SLC26A3: variants seen among roughly 807,000 people sequenced by gnomAD.
The protein encoded by SLC26A3 is solute carrier family 26 member 3.
SLC26A3 carries 64 observed loss-of-function variants against 85.6 expected under a neutral mutation model. The observed-to-expected ratio is 0.75, with a 90% CI of 0.61 to 0.92. The LOEUF is 0.92. Among genes scored for constraint, SLC26A3 ranks in the 40% least tolerant of loss-of-function variants. The probability of loss-of-function intolerance (pLI) is 0.00; values close to 1 mark genes in which losing one functional copy is unlikely to be tolerated. For missense variants in SLC26A3, 922 were observed against 927.3 expected (o/e 0.99, Z 0.07); for synonymous variants, 349 against 336.0 (o/e 1.04, Z -0.42).
intron 7 of SLC26A3, among the ~76,000 whole-genome samples, chr7:107,787,151 C>T (rs1170257092): frequency 6.6e-6 from 1 of 152,206 alleles, no homozygotes; most frequent in African/African-American, 2.4e-5. Flanking sequence ...CTGCACTATC[C>T]TTGTCTCACG....
chr7:107,769,665 A>G (rs565259731), intron 18 of SLC26A3, among the ~76,000 whole-genome samples: 1 of 152,276 alleles, frequency 6.6e-6, no homozygotes, highest in East Asian at 1.9e-4. Context: ...AATCTATACA[A>G]TAAACCCCCA....
intron 13 of SLC26A3, among the ~76,000 whole-genome samples, chr7:107,777,033 T>A (rs1036066683): frequency 1.3e-5 from 2 of 152,182 alleles, no homozygotes; most frequent in African/African-American, 4.8e-5. Context: ...GATGAGAACA[T>A]GGAAAAGTAA....
At chr7:107,783,693 A>G (rs904078028) in intron 8 of SLC26A3, among the ~76,000 whole-genome samples, 1 of 152,248 alleles carries the variant, frequency 6.6e-6, no homozygotes, top group Non-Finnish European at 1.5e-5. Flanking sequence ...ACTGGGCTGC[A>G]AAGCATCACT....
In SLC26A3 at chr7:107,779,708, G is replaced by A; in HGVS notation, c.1367C>T (p.Ala456Val). ...CTTTCGCCACAATCTGCCTATTTCA[G>A]CAAACTGCATCAGCATTCCCTTTAA... ...GNLKGMLMQF[A>V]EIGRLWRKDK... The change falls in exon 12 of 21, where the codon GCT (alanine) becomes GTT (valine). Residue 456 changes from alanine (A) to valine (V), a missense_variant. Coordinates refer to ENST00000340010, the MANE Select transcript of SLC26A3 (RefSeq NM_000111.3). 3 of 1,613,910 alleles carry A rather than the reference G, an allele frequency of 1.9e-6. No homozygotes were observed. Among genetic ancestry groups the A allele is most frequent in the African/African-American group, 2.7e-5 (2 of 74,986 alleles).
chr7:107,796,266 C>T (rs1794498183), intron 1 of SLC26A3, among the ~76,000 whole-genome samples: 1 of 151,964 alleles, frequency 6.6e-6, no homozygotes, highest in Non-Finnish European at 1.5e-5. Flanking sequence ...CCATGCCCTG[C>T]TAATTTTTAA....
Position 107,776,480 on chromosome 7 carries a change from C to G in SLC26A3, c.1649G>C (p.Gly550Ala), listed in dbSNP as rs201414043. 2.3e-4 allele frequency: 377 copies of G among 1,613,918 alleles called. No individual in the cohort carries two copies. Among genetic ancestry groups the G allele is most frequent in the Non-Finnish European group, 3.0e-4 (351 of 1,179,964 alleles). Residue 550 changes from glycine to alanine, a missense_variant, in exon 15 of 21, where the codon GGT (glycine) becomes GCT (alanine). By Grantham distance (60) the Gly-to-Ala change is moderately conservative. Coordinates refer to ENST00000340010, the MANE Select transcript of SLC26A3 (RefSeq NM_000111.3). Reference sequence around the variant, plus strand: ...ATCGATAAGTTTCCGCCTAAAGAAACCAATGTTTGCAAAGTAGATAGGAGA... The same window carrying G: ...ATCGATAAGTTTCCGCCTAAAGAAAGCAATGTTTGCAAAGTAGATAGGAGA... ...CPSPIYFANI[G>A]FFRRKLIDAV...
chr7:107,778,201 C>T lies in SLC26A3; in HGVS notation c.1488G>A (p.Leu496=). The change falls in exon 13 of 21, where the codon CTG becomes CTA. Residue 496 remains leucine, a synonymous_variant. Transcript: ENST00000340010. ...ATTGGGTCCTGAACACGATGGTTAG[C>T]AGTTGAAATGCCACACTAGCTGCCA... is the stretch of plus-strand genomic sequence containing the variant. The part of the protein sequence containing the change: ...LGLAASVAFQ[L]LTIVFRTQFP... 6.2e-7 allele frequency: 1 copy of T among 1,613,608 alleles called. No individual in the cohort carries two copies. The highest frequency in any genetic ancestry group is 8.5e-7 in the Non-Finnish European group (1 of 1,179,622).
At chr7:107,801,540 T>C (rs888231141) in intron 1 of SLC26A3, among the ~76,000 whole-genome samples, 1 of 152,224 alleles carries the variant, frequency 6.6e-6, no homozygotes, top group Admixed American at 6.5e-5. Context: ...AAGACCTTTA[T>C]TGTAGAGAAG....
chr7:107,793,807 A>G lies in SLC26A3; in HGVS notation c.206T>C (p.Leu69Pro). 6.2e-7 allele frequency: 1 copy of G among 1,614,176 alleles called. No homozygotes were observed. Among genetic ancestry groups the G allele is most frequent in the Non-Finnish European group, 8.5e-7 (1 of 1,180,006 alleles). ...AATATCACTGAGCAACCATTCTTTA[A>G]GCCGGTATGCTGGCAACCAAGATGC... ...PIASWLPAYR[L>P]KEWLLSDIVS... Residue 69 changes from leucine (L) to proline (P), a missense_variant, in exon 3 of 21, where the codon CTT becomes CCT. Leu to Pro is a moderately conservative substitution (Grantham distance 98). Coordinates refer to ENST00000340010, the MANE Select transcript of SLC26A3 (RefSeq NM_000111.3).
At chr7:107,793,607 TG>T (rs1794441016) in intron 3 of SLC26A3, 134 bp downstream of exon 3, 1 of 674,100 alleles carries the variant, frequency 1.5e-6, no homozygotes, top group African/African-American at 1.8e-5. Flanking sequence ...TAGGGGTTGG[TG>T]GTGGTGAAAA....
chr7:107,788,474 C>T (rs1209269205), intron 6 of SLC26A3, among the ~76,000 whole-genome samples: 2 of 152,060 alleles, frequency 1.3e-5, no homozygotes, highest in Admixed American at 1.3e-4. Flanking sequence ...CCAAGAACTT[C>T]AATTCTAAAA....
intron 1 of SLC26A3, among the ~76,000 whole-genome samples, chr7:107,796,599 T>C (rs936470148): frequency 6.6e-6 from 1 of 152,208 alleles, no homozygotes; most frequent in African/African-American, 2.4e-5. Flanking sequence ...TGTGCATTGC[T>C]GTGCAGAGCA....
chr7:107,776,028 G>A (rs975943558), intron 15 of SLC26A3: 1 of 261,004 alleles, frequency 3.8e-6, no homozygotes, highest in South Asian at 4.8e-5. Flanking sequence ...CACTCAGTAT[G>A]TATTGTTATT....
At chr7:107,768,187 A>G (rs1482711827) in intron 18 of SLC26A3, among the ~76,000 whole-genome samples, 1 of 152,232 alleles carries the variant, frequency 6.6e-6, no homozygotes, top group African/African-American at 2.4e-5. Flanking sequence ...AAGAAAATTC[A>G]TTTAGGCAGG....
intron 13 of SLC26A3, 51 bp downstream of exon 13, chr7:107,778,124 G>A (rs926125963): frequency 1.6e-6 from 2 of 1,251,782 alleles, no homozygotes; most frequent in Non-Finnish European, 2.3e-6. Flanking sequence ...TTCCTCTTCT[G>A]ATTTGGGCAG....
intron 3 of SLC26A3, among the ~76,000 whole-genome samples, chr7:107,792,183 A>T (rs1463789388): frequency 6.6e-6 from 1 of 151,968 alleles, no homozygotes; most frequent in African/African-American, 2.4e-5. Flanking sequence ...GGCATAAGCC[A>T]GCAGTCCCCA....
At position 107,779,818 on chromosome 7, in the gene SLC26A3, G is replaced by A. The variant is rs959029897; in HGVS notation, c.1312-55C>T. On this transcript the variant is annotated intron_variant, in intron 11 of 20. Transcript: ENST00000340010. ...TTAAGTTAATGAAATAAACCACAGGGAAGCAAAGGTGAAGGCTATAGATAA... is the reference window on the plus strand; with the variant it reads ...TTAAGTTAATGAAATAAACCACAGGAAAGCAAAGGTGAAGGCTATAGATAA... 8.4e-6 allele frequency: 12 copies of A among 1,428,540 alleles called. No homozygotes were observed. In the African/African-American group the frequency reaches 1.7e-4, roughly 20 times the overall value. 88.5% of individuals were successfully genotyped at this position (1,428,540 alleles called of 1,614,324 possible).
At chr7:107,777,723 C>T (rs1218440011) in intron 13 of SLC26A3, among the ~76,000 whole-genome samples, 2 of 151,784 alleles carry the variant, frequency 1.3e-5, no homozygotes, top group Non-Finnish European at 2.9e-5. Flanking sequence ...TTCTCTAATC[C>T]AGCTCCATAT....
At chr7:107,774,358 C>A (rs1794076083) in intron 16 of SLC26A3, among the ~76,000 whole-genome samples, 1 of 151,966 alleles carries the variant, frequency 6.6e-6, no homozygotes, top group Non-Finnish European at 1.5e-5. Context: ...TTGAGACCAG[C>A]CAGGGCAACA....
Sources: gnomAD v4.1 joint callset for allele counts (sites outside exome capture counted in the v4.1 genomes callset) on GRCh38, gnomAD v4.1.1 for gene constraint, MANE v1.5 for transcripts, NCBI Gene and HGNC (gene_info 2026-07-23, HGNC 2026-07-21) for gene names.